The following PIK3C2A variants were observed in gnomAD, a reference collection of about 807,000 sequenced individuals.
PIK3C2A encodes phosphatidylinositol-4-phosphate 3-kinase catalytic subunit type 2 alpha.
A neutral mutation model predicts 204.5 loss-of-function variants in PIK3C2A; 97 were observed. That is an observed-to-expected ratio of 0.47 (90% CI 0.40 to 0.56). The LOEUF is 0.56. PIK3C2A is among the 20% of genes least tolerant of loss of function. PIK3C2A has a pLI of 0.00. For synonymous variants in PIK3C2A, 653 were observed against 664.4 expected (o/e 0.98, Z 0.26); for missense variants, 1,735 against 1,969.2 (o/e 0.88, Z 2.25).
chr11:17,149,463 G>A (rs140723687), intron 4 of PIK3C2A, among the ~76,000 whole-genome samples: 2 of 152,232 alleles, frequency 1.3e-5, no homozygotes, highest in African/African-American at 4.8e-5. Flanking sequence ...TCTGAAGGGG[G>A]TCCTGGAAAC....
Position 17,168,983 on chromosome 11 carries a change from G to A in PIK3C2A, c.759C>T (p.Val253=). The change falls in exon 2 of 33, where the codon GTC becomes GTT. Residue 253 remains valine, a synonymous_variant. Transcript: ENST00000691414. Reference sequence around the variant, plus strand: ...ACTTTGGAGATACCTGTAGATTGCTGACTTTTGAATCTGTTATCTCCAAAT... The same window carrying A: ...ACTTTGGAGATACCTGTAGATTGCTAACTTTTGAATCTGTTATCTCCAAAT... ...RTDLEITDSK[V]SNLQVSPKSE... 6.2e-7 allele frequency: 1 copy of A among 1,613,736 alleles called. No homozygotes were observed. Among genetic ancestry groups the A allele is most frequent in the Non-Finnish European group, 8.5e-7 (1 of 1,179,944 alleles).
chr11:17,138,398 C>CA, intron 8 of PIK3C2A: 1 of 370,236 alleles, frequency 2.7e-6, no homozygotes, highest in South Asian at 3.5e-5. Flanking sequence ...CACCCTCATG[C>CA]TATGTTCTCC....
chr11:17,193,022 T>TA (rs1275676418), intron 1 of PIK3C2A, among the ~76,000 whole-genome samples: 1 of 152,174 alleles, frequency 6.6e-6, no homozygotes, highest in Non-Finnish European at 1.5e-5. Flanking sequence ...ATTAATACCA[T>TA]AACTGTAGGA....
chr11:17,143,177 T>C (rs1850121481), intron 8 of PIK3C2A, among the ~76,000 whole-genome samples: 1 of 152,168 alleles, frequency 6.6e-6, no homozygotes, highest in African/African-American at 2.4e-5. Context: ...TATATGTTGA[T>C]AAGAATGTAC....
chr11:17,195,060 A>T (rs1288086537), intron 1 of PIK3C2A, among the ~76,000 whole-genome samples: 1 of 152,162 alleles, frequency 6.6e-6, no homozygotes, highest in African/African-American at 2.4e-5. Context: ...AAACTTCCTC[A>T]TTCGAATCTA....
intron 18 of PIK3C2A, 37 bp from the exon 19 acceptor site, chr11:17,117,708 GTTTTTT>G (rs35485246): frequency 3.8e-4 from 121 of 319,344 alleles, no homozygotes; most frequent in Middle Eastern, 8.9e-4. Context: ...TCACGTCTTG[GTTTTTT>G]TTTTTTTTTT....
intron 18 of PIK3C2A, 35 bp downstream of exon 18, chr11:17,118,610 T>A: frequency 1.1e-6 from 1 of 932,074 alleles, no homozygotes; most frequent in Non-Finnish European, 1.7e-6. Context: ...ATTCTAGGAA[T>A]GGAAATACGG....
Position 17,099,891 on chromosome 11 carries a change from T to C in PIK3C2A, c.4087A>G (p.Thr1363Ala), listed in dbSNP as rs775685710. ...YVRDALQPQT[T>A]DAEATIFFTR... Reference sequence around the variant, plus strand: ...AAGAAAATTGTAGCTTCTGCGTCTGTAGTTTGGGGTTGAAGTGCATCTCTA... The same window carrying C: ...AAGAAAATTGTAGCTTCTGCGTCTGCAGTTTGGGGTTGAAGTGCATCTCTA... Residue 1363 changes from threonine to alanine, a missense_variant, in exon 26 of 33, where the codon ACA becomes GCA. By Grantham distance (58) the Thr-to-Ala change is moderately conservative (BLOSUM62 0). Around this residue, in one of 6 missense-constraint regions of PIK3C2A, gnomAD observed 503 missense variants for 669.0 expected, o/e 0.75. Transcript: ENST00000691414. 3.9e-5 allele frequency: 62 copies of C among 1,571,488 alleles called. No homozygotes were observed. Among genetic ancestry groups the C allele is most frequent in the Non-Finnish European group, 5.3e-5 (61 of 1,141,762 alleles).
chr11:17,091,617 C>G lies in PIK3C2A; in HGVS notation c.4682G>C (p.Gly1561Ala). The G allele has an allele frequency of 6.2e-7, 1 of 1,613,130 alleles. No individual in the cohort carries two copies. Among genetic ancestry groups the G allele is most frequent in the South Asian group, 1.1e-5 (1 of 91,050 alleles). ...SFSPTPGQIG[G>A]AVKLSISYRN... Reference sequence around the variant, plus strand: ...GTAAGAGATGGATAATTTCACAGCTCCTCCTATTTGGCCTGGAGTAGGACT... The same window carrying G: ...GTAAGAGATGGATAATTTCACAGCTGCTCCTATTTGGCCTGGAGTAGGACT... Residue 1561 changes from glycine to alanine, a missense_variant, in exon 31 of 33, where the codon GGA (glycine) becomes GCA (alanine). Transcript: ENST00000691414.
chr11:17,189,120 A>C (rs1851854226), intron 1 of PIK3C2A, among the ~76,000 whole-genome samples: 1 of 147,036 alleles, frequency 6.8e-6, no homozygotes, highest in Admixed American at 6.6e-5. Context: ...CCTGCTGAGG[A>C]GAAAGTCATA....
At chr11:17,158,296 C>A (rs1967077) in intron 2 of PIK3C2A, among the ~76,000 whole-genome samples, 6 of 150,646 alleles carry the variant, frequency 4.0e-5, no homozygotes, top group African/African-American at 1.2e-4. Context: ...TGCAGTGAGC[C>A]GAGATCGTGC....
chr11:17,182,567 C>CAAAAAAAAA (rs11453658), intron 1 of PIK3C2A, among the ~76,000 whole-genome samples: 1 of 91,806 alleles, frequency 1.1e-5, no homozygotes, highest in Non-Finnish European at 2.4e-5. Context: ...GACCCTGTCT[C>CAAAAAAAAA]AAAAAAAAAA....
chr11:17,179,408 C>T (rs991139419), intron 1 of PIK3C2A, among the ~76,000 whole-genome samples: 1 of 152,106 alleles, frequency 6.6e-6, no homozygotes, highest in Non-Finnish European at 1.5e-5. Context: ...GCAATCCTCT[C>T]ACCTGAGCCT....
intron 1 of PIK3C2A, among the ~76,000 whole-genome samples, chr11:17,179,490 C>G (rs1851460361): frequency 6.6e-6 from 1 of 151,998 alleles, no homozygotes; most frequent in Non-Finnish European, 1.5e-5. Flanking sequence ...GAGGTCTTAT[C>G]CTTTATAACT....
At position 17,169,644 on chromosome 11, in the gene PIK3C2A, T is replaced by C. The variant is rs951905468; in HGVS notation, c.98A>G (p.Gln33Arg). 5.6e-6 allele frequency: 9 copies of C among 1,613,598 alleles called. No homozygotes were observed. Among genetic ancestry groups the C allele is most frequent in the Non-Finnish European group, 7.6e-6 (9 of 1,180,008 alleles). The change falls in exon 2 of 33, where the codon CAG (glutamine) becomes CGG (arginine). Residue 33 changes from glutamine (Q) to arginine (R), a missense_variant. Gln to Arg is a conservative substitution (Grantham distance 43). Coordinates refer to ENST00000691414, the MANE Select transcript of PIK3C2A (RefSeq NM_002645.4). ...TTTTGCTAAAGCCTCTGCTTCCATC[T>C]GTAATGCTTCTTCTTTGTCCACATC... ...AKDVDKEEAL[Q>R]MEAEALAKLQ...
intron 8 of PIK3C2A, chr11:17,138,361 G>A (rs887718641): frequency 2.8e-5 from 12 of 421,974 alleles, no homozygotes; most frequent in Non-Finnish European, 5.3e-5. Context: ...TGAGAGCTGA[G>A]TAGTCCTCAA....
Position 17,099,942 on chromosome 11 carries a change from T to C in PIK3C2A, c.4036A>G (p.Thr1346Ala). ...ACGTATTTCAAATCTTGAATACTTGTAAGTTCTGGTAACCCTGAAGGAATC... is the reference window on the plus strand; with the variant it reads ...ACGTATTTCAAATCTTGAATACTTGCAAGTTCTGGTAACCCTGAAGGAATC... ...LMIPSGLPEL[T>A]SIQDLKYVRD... The change falls in exon 26 of 33, where the codon ACA becomes GCA. Residue 1346 changes from threonine to alanine, a missense_variant. Thr to Ala is a moderately conservative substitution (Grantham distance 58). This residue lies in a region of PIK3C2A where 503 missense variants were observed against 669.0 expected (regional missense o/e 0.75). Coordinates refer to ENST00000691414, the MANE Select transcript of PIK3C2A (RefSeq NM_002645.4). 6.3e-7 allele frequency: 1 copy of C among 1,575,138 alleles called. No homozygotes were observed. Among genetic ancestry groups the C allele is most frequent in the South Asian group, 1.1e-5 (1 of 89,904 alleles).
chr11:17,199,877 G>A (rs1170966990), intron 1 of PIK3C2A, among the ~76,000 whole-genome samples: 4 of 146,100 alleles, frequency 2.7e-5, no homozygotes, highest in East Asian at 4.0e-4. Flanking sequence ...AGCTGAGATC[G>A]TGCCACTACA....
At chr11:17,176,189 TAG>T (rs1851333598) in intron 1 of PIK3C2A, among the ~76,000 whole-genome samples, 1 of 151,534 alleles carries the variant, frequency 6.6e-6, no homozygotes, top group Non-Finnish European at 1.5e-5. Context: ...TTTTTTTTAG[TAG>T]AGATGGGGTT....
Sources: gnomAD v4.1 joint callset for allele counts (sites outside exome capture counted in the v4.1 genomes callset) on GRCh38, gnomAD v4.1.1 for gene constraint, gnomAD v4.1.1 regional missense constraint, MANE v1.5 for transcripts, NCBI Gene and HGNC (gene_info 2026-07-23, HGNC 2026-07-21) for gene names.